The following SOX6 variants were observed in gnomAD, a reference collection of about 807,000 sequenced individuals.
SOX6 encodes SRY-box transcription factor 6.
In SOX6, 11 loss-of-function variants were observed where a neutral mutation model predicts 97.8. The ratio of observed to expected loss-of-function variants is 0.11; its 90% confidence interval spans 0.07 to 0.19. The LOEUF (loss-of-function observed/expected upper bound fraction) is 0.19. SOX6 is among the 10% of genes least tolerant of loss of function. The probability of loss-of-function intolerance (pLI) is 1.00; values close to 1 mark genes in which losing one functional copy is unlikely to be tolerated. For missense variants in SOX6, 810 were observed against 1,039.5 expected (o/e 0.78, Z 3.04); for synonymous variants, 360 against 371.4 (o/e 0.97, Z 0.35).
intron 6 of SOX6, among the ~76,000 whole-genome samples, chr11:16,159,810 T>C (rs1850698254): frequency 6.6e-6 from 1 of 152,134 alleles, no homozygotes; most frequent in Admixed American, 6.6e-5. Context: ...AAAATCTACT[T>C]AATGCAACAG....
chr11:16,129,088 G>A (rs1196850103), intron 6 of SOX6, among the ~76,000 whole-genome samples: 4 of 145,790 alleles, frequency 2.7e-5, no homozygotes, highest in South Asian at 4.3e-4. Context: ...GGCTGGTCTC[G>A]AACTCCCGAC....
intron 3 of SOX6, among the ~76,000 whole-genome samples, chr11:16,672,388 T>C (rs1341242926): frequency 6.6e-6 from 1 of 152,208 alleles, no homozygotes; most frequent in Non-Finnish European, 1.5e-5. Context: ...TATTAGTCCA[T>C]TTTCATGTTG....
At chr11:16,103,076 A>C (rs1424482683) in intron 7 of SOX6, among the ~76,000 whole-genome samples, 1 of 152,172 alleles carries the variant, frequency 6.6e-6, no homozygotes, top group African/African-American at 2.4e-5. Flanking sequence ...AATAATCAGC[A>C]GAGTTAACAG....
chr11:16,717,135 T>C (rs938844292), intron 2 of SOX6, among the ~76,000 whole-genome samples: 1 of 152,150 alleles, frequency 6.6e-6, no homozygotes, highest in African/African-American at 2.4e-5. Context: ...TCATTTGAAA[T>C]TAGGAATATT....
chr11:16,705,490 A>C (rs10832672), intron 3 of SOX6, among the ~76,000 whole-genome samples: 40,664 of 151,536 alleles, frequency 0.27, 6,075 homozygotes, highest in East Asian at 0.48. Flanking sequence ...AGCTAGGCAT[A>C]GTGGCATGTA....
intron 1 of SOX6, among the ~76,000 whole-genome samples, chr11:16,352,281 T>TGGAA (rs1279403628): frequency 2.0e-5 from 3 of 151,490 alleles, no homozygotes; most frequent in Non-Finnish European, 4.4e-5. Flanking sequence ...GATGGATGGA[T>TGGAA]GGATGGATGG....
At chr11:16,373,482 C>T (rs1028418468) in intron 1 of SOX6, among the ~76,000 whole-genome samples, 1 of 152,164 alleles carries the variant, frequency 6.6e-6, no homozygotes, top group Non-Finnish European at 1.5e-5. Flanking sequence ...AACTTAAACT[C>T]CTACAATATT....
intron 9 of SOX6, among the ~76,000 whole-genome samples, chr11:16,090,275 C>T (rs1848657378): frequency 6.6e-6 from 1 of 152,014 alleles, no homozygotes; most frequent in African/African-American, 2.4e-5. Flanking sequence ...TCCCACCAAT[C>T]AAATAACTCA....
chr11:16,320,186 A>G (rs1855874161), intron 2 of SOX6, among the ~76,000 whole-genome samples: 1 of 152,126 alleles, frequency 6.6e-6, no homozygotes, highest in African/African-American at 2.4e-5. Flanking sequence ...CCCTATATTT[A>G]TATAAAAAAG....
In SOX6 at chr11:16,210,365, C is replaced by T. The variant is rs556979919; in HGVS notation, c.536-23410G>A. On this transcript the variant is annotated intron_variant, in intron 4 of 15. Coordinates refer to ENST00000683767, the MANE Select transcript of SOX6 (RefSeq NM_001367873.1). ...ATGGATGAGCCTGGAAAACATTGTG[C>T]TAAGTTAAAGAAGCCAGTCACAAAA... Among the ~76,000 whole-genome samples, 16 of 152,212 alleles carry T rather than the reference C, an allele frequency of 1.1e-4. No homozygotes were observed. In the South Asian group the frequency reaches 3.3e-3, roughly 32 times the overall value.
intron 1 of SOX6, among the ~76,000 whole-genome samples, chr11:16,737,787 C>A (rs1333000426): frequency 6.6e-6 from 1 of 152,052 alleles, no homozygotes; most frequent in African/African-American, 2.4e-5. Flanking sequence ...GGTGAAACTT[C>A]TTGGAATCAG....
intron 1 of SOX6, among the ~76,000 whole-genome samples, chr11:16,348,320 A>G (rs1056395632): frequency 1.3e-5 from 2 of 152,150 alleles, no homozygotes; most frequent in Non-Finnish European, 2.9e-5. Context: ...TGTTTCTCCA[A>G]TTGAAGACAA....
At chr11:16,199,104 G>C (rs1851865450) in intron 4 of SOX6, among the ~76,000 whole-genome samples, 1 of 152,166 alleles carries the variant, frequency 6.6e-6, no homozygotes, top group Non-Finnish European at 1.5e-5. Context: ...GTTGGTGATA[G>C]ACGGCCAAAG....
At chr11:16,489,664 G>T (rs1048511798) in intron 4 of SOX6, among the ~76,000 whole-genome samples, 1 of 152,060 alleles carries the variant, frequency 6.6e-6, no homozygotes. Flanking sequence ...AATTGAATGA[G>T]ATAACATGTA....
chr11:15,995,992 A>G (rs1854211167), intron 13 of SOX6, among the ~76,000 whole-genome samples: 3 of 152,210 alleles, frequency 2.0e-5, no homozygotes, highest in Admixed American at 1.3e-4. Context: ...AGGAAAAGAA[A>G]TAACACTCAA....
chr11:16,241,120 C>G (rs1172919267), intron 3 of SOX6, among the ~76,000 whole-genome samples: 3 of 152,206 alleles, frequency 2.0e-5, no homozygotes, highest in East Asian at 3.9e-4. Flanking sequence ...CTTTCCTCCA[C>G]AATTCTTTTT....
intron 4 of SOX6, among the ~76,000 whole-genome samples, chr11:16,584,206 A>G (rs1418313761): frequency 6.6e-6 from 1 of 152,170 alleles, no homozygotes; most frequent in Non-Finnish European, 1.5e-5. Context: ...CCTATTGTTG[A>G]TCCCTTAGCA....
intron 15 of SOX6, among the ~76,000 whole-genome samples, chr11:15,985,784 T>C (rs948952934): frequency 3.3e-5 from 5 of 152,146 alleles, no homozygotes; most frequent in Admixed American, 1.3e-4. Flanking sequence ...AATTATCTTG[T>C]GGTAGATCCC....
At chr11:16,255,368 CACA>C (rs569049358) in intron 3 of SOX6, among the ~76,000 whole-genome samples, 26 of 152,116 alleles carry the variant, frequency 1.7e-4, no homozygotes, top group African/African-American at 5.3e-4. Context: ...GGCTATAAAA[CACA>C]ACAAGTTGAA....
Sources: gnomAD v4.1 joint callset for allele counts (sites outside exome capture counted in the v4.1 genomes callset) on GRCh38, gnomAD v4.1.1 for gene constraint, MANE v1.5 for transcripts, NCBI Gene and HGNC (gene_info 2026-07-23, HGNC 2026-07-21) for gene names.